RPH3A: variants seen among roughly 807,000 people sequenced by gnomAD.
RPH3A encodes rabphilin 3A.
In RPH3A, 48 loss-of-function variants were observed where a neutral mutation model predicts 102.2. The ratio of observed to expected loss-of-function variants is 0.47; its 90% CI spans 0.37 to 0.60. The LOEUF (loss-of-function observed/expected upper bound fraction) is 0.60. RPH3A is among the 20% of genes least tolerant of loss of function. The pLI, the probability that RPH3A is intolerant of heterozygous loss-of-function variation, is 0.00. For synonymous variants in RPH3A, 310 were observed against 324.3 expected (o/e 0.96, Z 0.47); for missense variants, 781 against 910.1 (o/e 0.86, Z 1.83).
intron 1 of RPH3A, among the ~76,000 whole-genome samples, chr12:112,694,660 A>G (rs1339252627): frequency 6.8e-6 from 1 of 146,840 alleles, no homozygotes; most frequent in Non-Finnish European, 1.5e-5. Flanking sequence ...GCACACACAC[A>G]CACACACACA....
chr12:112,774,123 T>C (rs1399231027), intron 1 of RPH3A, among the ~76,000 whole-genome samples: 3 of 147,060 alleles, frequency 2.0e-5, no homozygotes, highest in South Asian at 2.1e-4. Context: ...AACAAGAAGA[T>C]GGACATAGCA....
Position 112,868,425 on chromosome 12 carries a change from C to T in RPH3A, c.445-5C>T, listed in dbSNP as rs2042647709. On this transcript the variant is annotated splice_region_variant and splice_polypyrimidine_tract_variant and intron_variant, in intron 7 of 21. Transcript: ENST00000389385. ...CATCTTCAATCCCTGTCTCTCCTCC[C>T]CAAGGTGTGGAAGCGTTCTGGAGCG... The T allele has an allele frequency of 6.2e-7, 1 of 1,613,116 alleles. No homozygotes were observed. The highest frequency in any genetic ancestry group is 8.5e-7 in the Non-Finnish European group (1 of 1,179,282).
intron 1 of RPH3A, among the ~76,000 whole-genome samples, chr12:112,780,419 T>TCATGTC (rs2040999957): frequency 7.0e-6 from 1 of 142,374 alleles, no homozygotes; most frequent in Non-Finnish European, 1.5e-5. Flanking sequence ...TGAAAACATC[T>TCATGTC]CATGTCCCCT....
chr12:112,627,073 G>A (rs963871140), intron 1 of RPH3A, among the ~76,000 whole-genome samples: 1 of 112,552 alleles, frequency 8.9e-6, no homozygotes, highest in Non-Finnish European at 1.8e-5. Flanking sequence ...GTGGGGGGAG[G>A]GGGGAGGGAT....
chr12:112,578,953 A>C (rs1319110743), intron 1 of RPH3A, among the ~76,000 whole-genome samples: 1 of 152,232 alleles, frequency 6.6e-6, no homozygotes, highest in African/African-American at 2.4e-5. Context: ...AAATCTTCCA[A>C]TTAAAAAATG....
rs1275599413 is a variant in RPH3A, at chr12:112,872,287, T to C, written c.796+2248T>C. 2.0e-5 allele frequency among the ~76,000 whole-genome samples: 3 copies of C among 152,234 alleles called. No individual in the cohort carries two copies. The South Asian group carries it at 6.2e-4, about 32-fold the overall frequency. ...CATCTCCTTGTGGTTTTGACTTGCA[T>C]TTCCCTATGATTAGTGATACTGAGC... On this transcript the variant is annotated intron_variant, in intron 10 of 21. Transcript: ENST00000389385.
intron 2 of RPH3A, among the ~76,000 whole-genome samples, chr12:112,826,143 C>T (rs1032088538): frequency 5.3e-5 from 8 of 152,066 alleles, no homozygotes; most frequent in Non-Finnish European, 7.4e-5. Flanking sequence ...CAGGGAGGCC[C>T]TCTTGGACGA....
chr12:112,864,086 A>C (rs1384326033), intron 5 of RPH3A, among the ~76,000 whole-genome samples: 1 of 152,222 alleles, frequency 6.6e-6, no homozygotes, highest in Non-Finnish European at 1.5e-5. Context: ...ATGAGGAAGT[A>C]CCAGGTTGCT....
In RPH3A at chr12:112,805,385, C is replaced by T. The variant is rs1439983280; in HGVS notation, c.-19+13122C>T. On this transcript the variant is annotated intron_variant, in intron 2 of 21. Coordinates refer to ENST00000389385, the MANE Select transcript of RPH3A (RefSeq NM_001143854.2). ...AATTCTGATTCAGAAGGGTTAGGGT[C>T]GCACCAGGAATCTGCAGTGTAAAGA... Among the ~76,000 whole-genome samples, 4 of 152,098 alleles carry T rather than the reference C, an allele frequency of 2.6e-5. 1 individual carries two copies. The highest frequency in any genetic ancestry group is 3.9e-4 in the East Asian group (2 of 5,186).
intron 2 of RPH3A, among the ~76,000 whole-genome samples, chr12:112,811,995 C>G (rs1294167221): frequency 6.6e-5 from 10 of 151,938 alleles, no homozygotes; most frequent in African/African-American, 2.4e-4. Context: ...GCAGACTTCT[C>G]CGCCTGGTAG....
chr12:112,776,697 A>G (rs1313243231), intron 1 of RPH3A, among the ~76,000 whole-genome samples: 1 of 151,798 alleles, frequency 6.6e-6, no homozygotes, highest in Non-Finnish European at 1.5e-5. Flanking sequence ...ACATGGTGAA[A>G]CCCCGTCTCT....
intron 1 of RPH3A, among the ~76,000 whole-genome samples, chr12:112,607,413 A>T (rs374297880): frequency 6.6e-6 from 1 of 152,216 alleles, no homozygotes; most frequent in Admixed American, 6.5e-5. Flanking sequence ...ATTGAACAAT[A>T]TATTTATGTA....
In RPH3A at chr12:112,772,794, G is replaced by C. The variant is rs370181093; in HGVS notation, c.-139-19349G>C. On this transcript the variant is annotated intron_variant, in intron 1 of 21. Transcript: ENST00000543106. ...AGGTGGTATTTGATTACATAAGTAC[G>C]TTCTTTAGTGGTGATTTGTGAGATT... 1.5e-4 allele frequency among the ~76,000 whole-genome samples: 23 copies of C among 151,796 alleles called. No homozygotes were observed. In the South Asian group the frequency reaches 4.0e-3, roughly 26 times the overall value.
At chr12:112,747,882 C>G (rs1042082129) in intron 1 of RPH3A, among the ~76,000 whole-genome samples, 1 of 152,230 alleles carries the variant, frequency 6.6e-6, no homozygotes, top group African/African-American at 2.4e-5. Context: ...CGTGGACTGA[C>G]AGCAGCTCTT....
chr12:112,701,018 A>T (rs2040389794), intron 1 of RPH3A, among the ~76,000 whole-genome samples: 1 of 151,830 alleles, frequency 6.6e-6, no homozygotes, highest in African/African-American at 2.4e-5. Context: ...GCATGGCCCC[A>T]CTCTGAACTC....
At chr12:112,676,461 G>T (rs1294252726) in intron 1 of RPH3A, among the ~76,000 whole-genome samples, 2 of 152,136 alleles carry the variant, frequency 1.3e-5, no homozygotes, top group East Asian at 1.9e-4. Flanking sequence ...TCCCCAGCAG[G>T]GTTAAACTCA....
At chr12:112,790,995 C>A (rs1165412832), upstream of RPH3A, among the ~76,000 whole-genome samples, 1 of 152,128 alleles carries the variant, frequency 6.6e-6, no homozygotes, top group Admixed American at 6.5e-5. Context: ...AAAATAAGGT[C>A]ATTATGTTAT....
At chr12:112,824,175 G>A (rs2041828643) in intron 2 of RPH3A, among the ~76,000 whole-genome samples, 2 of 152,350 alleles carry the variant, frequency 1.3e-5, no homozygotes, top group Non-Finnish European at 2.9e-5. Flanking sequence ...TTCACCTGAA[G>A]TCTGGCCTCA....
intron 5 of RPH3A, among the ~76,000 whole-genome samples, chr12:112,861,115 C>T (rs1458681530): frequency 6.6e-6 from 1 of 152,210 alleles, no homozygotes; most frequent in Non-Finnish European, 1.5e-5. Flanking sequence ...CTCAAATTCT[C>T]TCCCACCATG....
Sources: allele counts gnomAD v4.1 joint callset (sites outside exome capture counted in the v4.1 genomes callset), GRCh38; gene constraint gnomAD v4.1.1; transcripts MANE v1.5; gene names NCBI Gene and HGNC (gene_info 2026-07-23, HGNC 2026-07-21).